The following ZNF71 variants were observed in gnomAD, a reference collection of about 807,000 sequenced individuals.
The protein encoded by ZNF71 is zinc finger protein 71.
A neutral mutation model predicts 6.7 loss-of-function variants in ZNF71; 3 were observed. That is an observed-to-expected ratio of 0.45 (90% confidence interval 0.20 to 1.16). The LOEUF (loss-of-function observed/expected upper bound fraction) is 1.16, where lower values mean the gene tolerates loss of function less well. Ranked by LOEUF, ZNF71 falls within the 50% of genes most tolerant of loss-of-function variation. The pLI, the probability that ZNF71 is intolerant of heterozygous loss-of-function variation, is 0.25. For synonymous variants in ZNF71, 343 were observed against 311.1 expected (o/e 1.10, Z -1.08); for missense variants, 688 against 728.6 (o/e 0.94, Z 0.64).
chr19:56,617,732 G>C (rs2044807626), intron 3 of ZNF71, among the ~76,000 whole-genome samples: 1 of 152,178 alleles, frequency 6.6e-6, no homozygotes, highest in African/African-American at 2.4e-5. Flanking sequence ...TTTCACAGCT[G>C]TCGTGGTTAA....
rs186579735 is a variant in ZNF71, at chr19:56,623,680, A to G, written c.*923A>G. 1,137 of 167,252 alleles carry G rather than the reference A, an allele frequency of 6.8e-3. 7 individuals are homozygous for G. Among genetic ancestry groups the G allele is most frequent in the Non-Finnish European group, 6.3e-3 (431 of 68,136 alleles). 10.4% of individuals were successfully genotyped at this position (167,252 alleles called of 1,614,324 possible). A position where few individuals can be genotyped will look rare whatever the true frequency, so the allele number is the denominator to read the frequency against. ...TGTAACAAAAGACCTTAGACTGGGT[A>G]ATTTATAAACAATAGAAATTTGTCA... On this transcript the variant is annotated 3_prime_UTR_variant, in exon 4 of 4. Coordinates refer to ENST00000599599, the MANE Select transcript of ZNF71 (RefSeq NM_001370215.1).
At chr19:56,617,370 A>G (rs1331820885) in intron 3 of ZNF71, among the ~76,000 whole-genome samples, 1 of 152,070 alleles carries the variant, frequency 6.6e-6, no homozygotes, top group Admixed American at 6.5e-5. Context: ...CAGCCTCCCA[A>G]TATGCTGAGA....
chr19:56,624,402 T>C lies in ZNF71; in HGVS notation c.*1645T>C, dbSNP rs564013584. The C allele has an allele frequency of 1.3e-5, 2 of 152,294 alleles. No individual in the cohort carries two copies. The highest frequency in any genetic ancestry group is 4.1e-4 in the South Asian group (2 of 4,824). The allele number at this position is 152,294 out of a possible 1,614,324, so 9.4% of individuals were successfully genotyped here. A position where few individuals can be genotyped will look rare whatever the true frequency, so the allele number is the denominator to read the frequency against. ...CAGGCTGGCTTCCCACGTGGGATTG[T>C]GGTGGTTTCCAGCAGCGAGTCTTGA... On this transcript the variant is annotated 3_prime_UTR_variant, in exon 4 of 4. Transcript: ENST00000599599.
Position 56,613,943 on chromosome 19 carries a change from G to A in ZNF71, c.160+5G>A. 9.4e-7 allele frequency: 1 copy of A among 1,068,860 alleles called. No individual in the cohort carries two copies. The highest frequency in any genetic ancestry group is 2.8e-4 in the Middle Eastern group (1 of 3,630). 66.2% of individuals were successfully genotyped at this position (1,068,860 alleles called of 1,614,324 possible). A position where few individuals can be genotyped will look rare whatever the true frequency, so the allele number is the denominator to read the frequency against. ...ACAGGAACCTGGTCTCACTGGGTAA[G>A]GGGCAGCTTCGTTGAGTTACTCATC... On this transcript the variant is annotated splice_donor_5th_base_variant and intron_variant, in intron 3 of 3. Transcript: ENST00000599599. The surrounding 1 kb of genome is among the most constrained non-coding windows in gnomAD (Gnocchi z 4.6).
intron 3 of ZNF71, among the ~76,000 whole-genome samples, chr19:56,620,185 AG>A (rs1189952062): frequency 6.6e-6 from 1 of 151,016 alleles, no homozygotes; most frequent in Non-Finnish European, 1.5e-5. Flanking sequence ...GGGGTGCGGG[AG>A]GGCTGGGGCC....
intron 3 of ZNF71, among the ~76,000 whole-genome samples, chr19:56,619,876 G>C (rs1280813071): frequency 1.3e-5 from 2 of 152,196 alleles, no homozygotes; most frequent in African/African-American, 4.8e-5. Context: ...CTGGGAATGA[G>C]TCCCCTGATG....
At chr19:56,620,590 G>C (rs1277823515) in intron 3 of ZNF71, among the ~76,000 whole-genome samples, 2 of 151,860 alleles carry the variant, frequency 1.3e-5, no homozygotes, top group African/African-American at 4.8e-5. Context: ...GGAGTGCAGT[G>C]ACGTGATCAT....
At chr19:56,612,538 G>A (rs1312602573) in intron 2 of ZNF71, among the ~76,000 whole-genome samples, 2 of 152,140 alleles carry the variant, frequency 1.3e-5, no homozygotes, top group Admixed American at 6.5e-5. Flanking sequence ...AAAACCAAAT[G>A]CTGTGTGTTC....
chr19:56,615,747 A>C (rs887636234), intron 3 of ZNF71, among the ~76,000 whole-genome samples: 1 of 151,622 alleles, frequency 6.6e-6, no homozygotes, highest in Non-Finnish European at 1.5e-5. Flanking sequence ...TTGTGTTTTC[A>C]CTTTCTTGAT....
chr19:56,611,406 T>C (rs2148012580), intron 2 of ZNF71, among the ~76,000 whole-genome samples: 1 of 152,312 alleles, frequency 6.6e-6, no homozygotes, highest in East Asian at 1.9e-4. Context: ...AGTAGCTGTG[T>C]GCTTTGGTCC....
At chr19:56,609,786 G>A (rs1471413542) in intron 2 of ZNF71, among the ~76,000 whole-genome samples, 1 of 147,168 alleles carries the variant, frequency 6.8e-6, no homozygotes, top group Admixed American at 6.7e-5. Flanking sequence ...TATGGATTTT[G>A]CCTGTTCCGG....
chr19:56,602,429 G>C (rs1170573526), intron 2 of ZNF71, among the ~76,000 whole-genome samples: 1 of 152,208 alleles, frequency 6.6e-6, no homozygotes, highest in Non-Finnish European at 1.5e-5. Flanking sequence ...GCGGGTCTCT[G>C]ATGATTTATA....
At chr19:56,619,270 T>C (rs981421474) in intron 3 of ZNF71, among the ~76,000 whole-genome samples, 1 of 152,050 alleles carries the variant, frequency 6.6e-6, no homozygotes, top group Non-Finnish European at 1.5e-5. Context: ...CCCACAGCTC[T>C]TTTCATCTCC....
intron 1 of ZNF71, among the ~76,000 whole-genome samples, chr19:56,596,423 G>A (rs1175794385): frequency 2.0e-5 from 3 of 152,114 alleles, no homozygotes; most frequent in Admixed American, 2.0e-4. Flanking sequence ...CTCCTAGTCT[G>A]CCTGCCCACA....
At position 56,622,377 on chromosome 19, in the gene ZNF71, A is replaced by G. The variant is rs759961861; in HGVS notation, c.1270A>G (p.Ser424Gly). Residue 424 changes from serine (S) to glycine (G), a missense_variant, in exon 4 of 4, where the codon AGC (serine) becomes GGC (glycine). Physicochemically the swap from Ser to Gly is moderately conservative, Grantham distance 56. Coordinates refer to ENST00000599599, the MANE Select transcript of ZNF71 (RefSeq NM_001370215.1). ...FECSECGKAF[S>G]KNSSLTQHQR... is the part of the protein sequence containing the mutation. ...GTGCAGCGAGTGCGGCAAGGCCTTC[A>G]GCAAGAACTCCTCGCTCACGCAGCA... 4.3e-6 allele frequency: 7 copies of G among 1,613,786 alleles called. No individual in the cohort carries two copies. In the Admixed American group the frequency reaches 5.0e-5, roughly 12 times the overall value.
At position 56,618,910 on chromosome 19, in the gene ZNF71, C is replaced by T. The variant is rs756501534; in HGVS notation, c.161-2358C>T. The stretch of plus-strand genomic sequence containing the variant: ...ACCGCACTCCCGGAGGAGTGGAGGA[C>T]GCATTGCAGGGGTGAGAATGGGGTG... On this transcript the variant is annotated intron_variant, in intron 3 of 3. Transcript: ENST00000599599. This position sits in a 1 kb window ranked among gnomAD's most constrained non-coding sequence, Gnocchi z 4.6. 6.6e-6 allele frequency among the ~76,000 whole-genome samples: 1 copy of T among 151,968 alleles called. No homozygotes were observed. The highest frequency in any genetic ancestry group is 2.4e-5 in the African/African-American group (1 of 41,358).
chr19:56,619,067 C>G (rs1199010729), intron 3 of ZNF71, among the ~76,000 whole-genome samples: 1 of 152,118 alleles, frequency 6.6e-6, no homozygotes, highest in Non-Finnish European at 1.5e-5. Flanking sequence ...TGCCAGCAGT[C>G]AGGACGGTGG....
chr19:56,603,553 A>G lies in ZNF71; in HGVS notation c.33+1962A>G, dbSNP rs931013828. Among the ~76,000 whole-genome samples the G allele has an allele frequency of 1.3e-5, 2 of 152,142 alleles. No homozygotes were observed. The highest frequency in any genetic ancestry group is 2.9e-5 in the Non-Finnish European group (2 of 68,044). On this transcript the variant is annotated intron_variant, in intron 2 of 3. Transcript: ENST00000599599. The surrounding 1 kb of genome is among the most constrained non-coding windows in gnomAD (Gnocchi z 4.6). The stretch of plus-strand genomic sequence containing the variant: ...TATTCATGTATAAGTCTTTGAACAT[A>G]TGTTCTCAGTTCTCTTAGGTGTGTA...
At chr19:56,616,499 A>G (rs2044792345) in intron 3 of ZNF71, among the ~76,000 whole-genome samples, 1 of 152,210 alleles carries the variant, frequency 6.6e-6, no homozygotes, top group Non-Finnish European at 1.5e-5. Flanking sequence ...TTTCTGCCCA[A>G]AGCCCCATGA....
Sources: allele counts gnomAD v4.1 joint callset (sites outside exome capture counted in the v4.1 genomes callset), GRCh38; gene constraint gnomAD v4.1.1; non-coding constraint Gnocchi (gnomAD v3.1); transcripts MANE v1.5; gene names NCBI Gene and HGNC (gene_info 2026-07-23, HGNC 2026-07-21).